SULT1C3: variants seen among roughly 807,000 people sequenced by gnomAD.
The protein encoded by SULT1C3 is sulfotransferase 1C3.
Under a neutral mutation model 28.4 loss-of-function variants are expected in SULT1C3, and 31 were observed. The ratio of observed to expected loss-of-function variants is 1.09; its 90% confidence interval spans 0.82 to 1.47. SULT1C3 has a LOEUF of 1.47. SULT1C3 is among the 40% of genes most tolerant of loss of function. The pLI, the probability that SULT1C3 is intolerant of heterozygous loss-of-function variation, is 0.00. For synonymous variants in SULT1C3, 106 were observed against 92.2 expected (o/e 1.15, Z -0.86); for missense variants, 307 against 272.5 (o/e 1.13, Z -0.89).
intron 4 of SULT1C3, among the ~76,000 whole-genome samples, chr2:108,254,001 A>T (rs1474587212): frequency 6.6e-6 from 1 of 151,914 alleles, no homozygotes; most frequent in Non-Finnish European, 1.5e-5. Flanking sequence ...TACCCAACTC[A>T]GCTCACTGCT....
intron 1 of SULT1C3, among the ~76,000 whole-genome samples, chr2:108,241,764 A>T (rs1422942718): frequency 2.0e-5 from 3 of 152,056 alleles, no homozygotes; most frequent in Non-Finnish European, 4.4e-5. Context: ...CGCCTCTAGT[A>T]AAAATACAAA....
intron 5 of SULT1C3, 129 bp downstream of exon 5, chr2:108,255,827 C>A: frequency 8.6e-7 from 1 of 1,163,476 alleles, no homozygotes; most frequent in Non-Finnish European, 1.1e-6. Flanking sequence ...TGATCTGGGA[C>A]TGGAGAAGCC....
downstream of SULT1C3, chr2:108,264,693 A>T: frequency 2.2e-6 from 2 of 908,860 alleles, no homozygotes; most frequent in Non-Finnish European, 3.3e-6. Context: ...ACTAGGAGTC[A>T]CTTGAGAAAT....
rs1189875397 is a variant in SULT1C3 at position 108,255,573 on chromosome 2, T to C, written c.401T>C (p.Ile134Thr). 2.5e-6 allele frequency: 4 copies of C among 1,609,968 alleles called. No individual in the cohort carries two copies. In the African/African-American group the frequency reaches 4.0e-5, roughly 16 times the overall value. The change falls in exon 5 of 8, where the codon ATT becomes ACT. Residue 134 changes from isoleucine (I) to threonine (T), a missense_variant and splice_region_variant. Ile to Thr is a moderately conservative substitution (Grantham distance 89). Coordinates refer to ENST00000681802, the MANE Select transcript of SULT1C3 (RefSeq NM_001320878.2). ...TTCCTTCCCTCTCCTTGATTTCAGA[T>C]TGTCTATGTGGCCAGAAATCCCAAG... ...PPSIWKENCKIVYVARNPKDC... is the reference protein window; with the variant it reads ...PPSIWKENCKTVYVARNPKDC...
intron 2 of SULT1C3, among the ~76,000 whole-genome samples, chr2:108,249,566 C>A (rs760780980): frequency 6.6e-6 from 1 of 151,820 alleles, no homozygotes; most frequent in Non-Finnish European, 1.5e-5. Flanking sequence ...ATGAACTTAA[C>A]AAAGCTGTGC....
chr2:108,249,961 A>C (rs1019806417), intron 2 of SULT1C3, among the ~76,000 whole-genome samples: 3 of 152,060 alleles, frequency 2.0e-5, no homozygotes, highest in Admixed American at 1.3e-4. Context: ...TTAAAATTAA[A>C]TCTCTAAAAC....
At chr2:108,242,787 CCT>C (rs1477800544) in intron 1 of SULT1C3, among the ~76,000 whole-genome samples, 2 of 152,104 alleles carry the variant, frequency 1.3e-5, no homozygotes, top group Admixed American at 6.5e-5. Context: ...TGTGGCACCT[CCT>C]CTGTTTTTCC....
downstream of SULT1C3, among the ~76,000 whole-genome samples, chr2:108,263,877 T>C (rs1015278798): frequency 6.6e-6 from 1 of 152,238 alleles, no homozygotes; most frequent in Non-Finnish European, 1.5e-5. Context: ...CCTCAGGAAA[T>C]AGCACATGCT....
chr2:108,255,166 C>T (rs1440813964), intron 4 of SULT1C3, among the ~76,000 whole-genome samples: 1 of 152,072 alleles, frequency 6.6e-6, no homozygotes, highest in Admixed American at 6.6e-5. Flanking sequence ...TGGAAAATTT[C>T]TCTCAACTCA....
chr2:108,257,765 A>G (rs147478456), intron 5 of SULT1C3, among the ~76,000 whole-genome samples: 22 of 152,194 alleles, frequency 1.4e-4, no homozygotes, highest in African/African-American at 5.1e-4. Flanking sequence ...CTATTATCAT[A>G]TAATTTGGTA....
At chr2:108,260,492 C>T (rs4141931) in intron 7 of SULT1C3, 76 bp from the exon 8 acceptor site, 278,576 of 412,988 alleles carry the variant, frequency 0.67, 94,858 homozygotes, top group East Asian at 0.83. Flanking sequence ...GTGGGTAGGC[C>T]TAGGAACCAT....
chr2:108,265,262 T>G (rs769803042), downstream of SULT1C3: 1 of 1,613,870 alleles, frequency 6.2e-7, no homozygotes, highest in Non-Finnish European at 8.5e-7. Flanking sequence ...CTGGAAGAAC[T>G]ATTTTACTGT....
In SULT1C3 at chr2:108,259,027, TTATAAACAA is replaced by T; in HGVS notation, c.684_692del (p.Asn230_Ile232del). On this transcript the variant is annotated inframe_deletion, in exon 7 of 8. Coordinates refer to ENST00000681802, the MANE Select transcript of SULT1C3 (RefSeq NM_001320878.2). Reference sequence around the variant, plus strand: ...TTGGAGAAAACTTGGTCAGGTGATGTTATAAACAAGATTGTCCACCATACCTCATTTGAT... The same window carrying T: ...TTGGAGAAAACTTGGTCAGGTGATGTGATTGTCCACCATACCTCATTTGAT... 3.1e-6 allele frequency: 1 copy of T among 324,976 alleles called. No homozygotes were observed. The highest frequency in any genetic ancestry group is 3.9e-5 in the South Asian group (1 of 25,470). The allele number at this position is 324,976 out of a possible 1,614,324, so 20.1% of individuals were successfully genotyped here.
At chr2:108,264,728 C>A, downstream of SULT1C3, 1 of 1,209,588 alleles carries the variant, frequency 8.3e-7, no homozygotes, top group Non-Finnish European at 1.2e-6. Context: ...TTCAAATGAT[C>A]CTTTAACTCA....
intron 7 of SULT1C3, 108 bp downstream of exon 7, chr2:108,259,254 AT>A (rs922722447): frequency 1.6e-4 from 36 of 231,252 alleles, no homozygotes; most frequent in Non-Finnish European, 3.0e-4. Flanking sequence ...TTTCAGTTAA[AT>A]TTTGAATCTC....
At chr2:108,241,131 T>C (rs1341954337) in intron 1 of SULT1C3, among the ~76,000 whole-genome samples, 5 of 152,262 alleles carry the variant, frequency 3.3e-5, no homozygotes, top group African/African-American at 9.6e-5. Context: ...TGTGCCACAC[T>C]GTGTAGACAA....
At chr2:108,244,375 A>AG (rs111722638) in intron 1 of SULT1C3, among the ~76,000 whole-genome samples, 16,318 of 152,232 alleles carry the variant, frequency 0.11, 1,361 homozygotes, top group African/African-American at 0.23. Flanking sequence ...AAGAGATAGA[A>AG]CCATTATAAA....
chr2:108,252,015 G>A (rs1158628304), intron 2 of SULT1C3, among the ~76,000 whole-genome samples: 1 of 151,962 alleles, frequency 6.6e-6, no homozygotes, highest in Non-Finnish European at 1.5e-5. Context: ...ACTCAAACAT[G>A]ATAGTTGAGA....
intron 1 of SULT1C3, among the ~76,000 whole-genome samples, chr2:108,242,731 C>G (rs2378099): frequency 1.4e-4 from 22 of 152,066 alleles, no homozygotes; most frequent in African/African-American, 5.1e-4. Context: ...ATTTTGGGGG[C>G]TTCGTGGGAA....
Sources: allele counts gnomAD v4.1 joint callset (sites outside exome capture counted in the v4.1 genomes callset), GRCh38; gene constraint gnomAD v4.1.1; transcripts MANE v1.5; gene names NCBI Gene and HGNC (gene_info 2026-07-23, HGNC 2026-07-21).